Variants in UNC13D observed in about 807,000 individuals in gnomAD.
UNC13D encodes the protein protein unc-13 homolog D.
Under a neutral mutation model 151.7 loss-of-function variants are expected in UNC13D, and 115 were observed. The observed-to-expected ratio is 0.76, with a 90% CI of 0.65 to 0.88. The LOEUF (loss-of-function observed/expected upper bound fraction) is 0.88. UNC13D is among the 40% of genes least tolerant of loss of function. The probability of loss-of-function intolerance (pLI) is 0.00; values close to 1 mark genes in which losing one functional copy is unlikely to be tolerated. For synonymous variants in UNC13D, 588 were observed against 612.2 expected, an observed-to-expected ratio of 0.96 and a Z score of 0.58; for missense variants, 1,369 against 1,438.7, an observed-to-expected ratio of 0.95 and a Z score of 0.78.
In UNC13D at chr17:75,840,703, T is replaced by G; in HGVS notation, c.683+59A>C. 1 of 1,612,302 alleles carries G rather than the reference T, an allele frequency of 6.2e-7. No homozygotes were observed. Among genetic ancestry groups the G allele is most frequent in the Non-Finnish European group, 8.5e-7 (1 of 1,178,784 alleles). On this transcript the variant is annotated intron_variant, in intron 8 of 31. Coordinates refer to ENST00000207549, the MANE Select transcript of UNC13D (RefSeq NM_199242.3). The surrounding 1 kb of genome is among the most constrained non-coding windows in gnomAD (Gnocchi z 4.6). Reference sequence around the variant, plus strand: ...GCACCCCAGCATCCAGTGTGCATGTTGGGGGATGGAGGGCAAAAGGAGCCC... The same window carrying G: ...GCACCCCAGCATCCAGTGTGCATGTGGGGGGATGGAGGGCAAAAGGAGCCC...
Position 75,834,922 on chromosome 17 carries a change from C to T in UNC13D, c.1990G>A (p.Glu664Lys), listed in dbSNP as rs750235257. Residue 664 changes from glutamate to lysine, a missense_variant and splice_region_variant, in exon 21 of 32, where the codon GAG becomes AAG. Transcript: ENST00000207549. ...AGGACACGTGGAAGATGCCGCACCT[C>T]CACAAACTTGACGGTAATCATGAAG... ...EAFMITVKFV[E>K]DTCRLALVYC... 1.9e-6 allele frequency: 3 copies of T among 1,614,020 alleles called. No individual in the cohort carries two copies. The highest frequency in any genetic ancestry group is 2.5e-6 in the Non-Finnish European group (3 of 1,180,014).
In UNC13D at chr17:75,836,433, C is replaced by T; in HGVS notation, c.1299-4G>A. ...CTTGCACATCTGTACCAGGACCCTG[C>T]AAGATGGAAAGAGCTGTGTCGAAAG... On this transcript the variant is annotated splice_polypyrimidine_tract_variant and splice_region_variant and intron_variant, in intron 14 of 31. Coordinates refer to ENST00000207549, the MANE Select transcript of UNC13D (RefSeq NM_199242.3). 1.2e-6 allele frequency: 2 copies of T among 1,612,722 alleles called. No homozygotes were observed. Among genetic ancestry groups the T allele is most frequent in the Non-Finnish European group, 1.7e-6 (2 of 1,179,968 alleles).
chr17:75,842,796 G>A, intron 5 of UNC13D, 61 bp downstream of exon 5: 1 of 1,606,954 alleles, frequency 6.2e-7, no homozygotes, highest in Non-Finnish European at 8.5e-7. Context: ...CCTGGGCCAG[G>A]CTGTGATGGG....
Position 75,831,295 on chromosome 17 carries a change from GCGGCCGCCT to G in UNC13D, c.2492_2500del (p.Glu831_Ala833del). ...AGCCAGGGATGAGCTGCGCTGGGAG[GCGGCCGCCT>G]CCACCAGCACTGTGAGTGTGTGGGT... On this transcript the variant is annotated inframe_deletion, in exon 26 of 32. Coordinates refer to ENST00000207549, the MANE Select transcript of UNC13D (RefSeq NM_199242.3). 1 of 1,613,784 alleles carries G rather than the reference GCGGCCGCCT, an allele frequency of 6.2e-7. No individual in the cohort carries two copies. Among genetic ancestry groups the G allele is most frequent in the Non-Finnish European group, 8.5e-7 (1 of 1,180,022 alleles).
chr17:75,834,720 G>A lies in UNC13D; in HGVS notation c.1993-4C>T. 6.2e-7 allele frequency: 1 copy of A among 1,613,456 alleles called. No homozygotes were observed. The highest frequency in any genetic ancestry group is 8.5e-7 in the Non-Finnish European group (1 of 1,179,942). ...CCAGGGCCAGGCGACAGGTGTCCTA[G>A]GGTGGGGTTGGACAGAGGGAACTGA... is the stretch of plus-strand genomic sequence containing the variant. On this transcript the variant is annotated splice_region_variant and splice_polypyrimidine_tract_variant and intron_variant, in intron 21 of 31. Transcript: ENST00000207549.
rs1194073667 is a variant in UNC13D at position 75,840,560 on chromosome 17, G to A, written c.700C>T (p.Arg234Trp). The A allele has an allele frequency of 8.7e-6, 14 of 1,613,874 alleles. No individual in the cohort carries two copies. Among genetic ancestry groups the A allele is most frequent in the African/African-American group, 2.7e-5 (2 of 74,862 alleles). ...HGLRRIFKEA[R>W]KDKGQDDFLG... is the part of the protein sequence containing the mutation. ...AAGTCGTCCTGGCCTTTGTCCTTCC[G>A]GGCCTCTTTAAAGATCCTGCGTCAG... is the stretch of plus-strand genomic sequence containing the variant. Residue 234 changes from arginine (R) to tryptophan (W), a missense_variant, in exon 9 of 32, where the codon CGG (arginine) becomes TGG (tryptophan). By Grantham distance (101) the Arg-to-Trp change is moderately radical (BLOSUM62 -3). Transcript: ENST00000207549. The surrounding 1 kb of genome is among the most constrained non-coding windows in gnomAD (Gnocchi z 4.6).
At position 75,840,206 on chromosome 17, in the gene UNC13D, G is replaced by A. The variant is rs370425712; in HGVS notation, c.858+19C>T. 8.1e-6 allele frequency: 13 copies of A among 1,613,388 alleles called. No homozygotes were observed. In the East Asian group the frequency reaches 8.9e-5, roughly 11 times the overall value. ...GCCGCAAGAGCTGGGCATGGCCACT[G>A]GCCCAGTACCCGACCTACCCGCTTA... On this transcript the variant is annotated intron_variant, in intron 10 of 31. Coordinates refer to ENST00000207549, the MANE Select transcript of UNC13D (RefSeq NM_199242.3). This position sits in a 1 kb window ranked among gnomAD's most constrained non-coding sequence, Gnocchi z 4.6.
chr17:75,834,670 C>A lies in UNC13D; in HGVS notation c.2039G>T (p.Arg680Leu), dbSNP rs201324352. The A allele has an allele frequency of 3.3e-5, 54 of 1,613,750 alleles. No homozygotes were observed. The highest frequency in any genetic ancestry group is 3.6e-5 in the Non-Finnish European group (42 of 1,180,026). The change falls in exon 22 of 32, where the codon CGG (arginine) becomes CTG (leucine). Residue 680 changes from arginine to leucine, a missense_variant. Arg to Leu is a moderately radical substitution (Grantham distance 102). Around this residue, in one of 3 missense-constraint regions of UNC13D, gnomAD observed 807 missense variants for 795.5 expected, o/e 1.01. Transcript: ENST00000207549. ...ALVYCSLIKARARELSSGQKD... is the reference protein window; with the variant it reads ...ALVYCSLIKALARELSSGQKD... ...CTGGCCTGAAGAGAGCTCGCGGGCC[C>A]GGGCCTTTATAAGGCTGCAGTACAC...
chr17:75,843,828 G>C (rs2064966784), intron 1 of UNC13D: 1 of 1,376,800 alleles, frequency 7.3e-7, no homozygotes, highest in Non-Finnish European at 9.4e-7. Flanking sequence ...CCCAGCAGCG[G>C]AAGTGAGGCT....
Position 75,833,150 on chromosome 17 carries a change from G to C in UNC13D, c.2368-105C>G. 1 of 1,164,878 alleles carries C rather than the reference G, an allele frequency of 8.6e-7. No homozygotes were observed. Among genetic ancestry groups the C allele is most frequent in the Non-Finnish European group, 1.2e-6 (1 of 804,700 alleles). 72.2% of individuals were successfully genotyped at this position (1,164,878 alleles called of 1,614,324 possible). The stretch of plus-strand genomic sequence containing the variant: ...AGGAAACAGGGCTGGGAACCGTTCT[G>C]TGAGAGCAGTTTGTAGTGTCTGTAA... On this transcript the variant is annotated intron_variant, in intron 24 of 31. Transcript: ENST00000207549. The surrounding 1 kb of genome is among the most constrained non-coding windows in gnomAD (Gnocchi z 4.0).
In UNC13D at chr17:75,834,080, C is replaced by G. The variant is rs780724815; in HGVS notation, c.2362G>C (p.Glu788Gln). Residue 788 changes from glutamate (E) to glutamine (Q), a missense_variant, in exon 24 of 32, where the codon GAG (glutamate) becomes CAG (glutamine). By Grantham distance (29) the Glu-to-Gln change is conservative. Coordinates refer to ENST00000207549, the MANE Select transcript of UNC13D (RefSeq NM_199242.3). ...LVGVRESVLP[E>Q]DAILPLMKFL... The stretch of plus-strand genomic sequence containing the variant: ...CAGGCAGAAGGGCCACTTACATCCT[C>G]AGGCAGGACAGACTCCCTGACGCCC... The G allele has an allele frequency of 1.7e-5, 27 of 1,613,756 alleles. No homozygotes were observed. The highest frequency in any genetic ancestry group is 2.3e-5 in the Non-Finnish European group (27 of 1,180,024).
chr17:75,844,094 T>C, intron 1 of UNC13D, 127 bp downstream of exon 1: 2 of 1,493,582 alleles, frequency 1.3e-6, no homozygotes, highest in Non-Finnish European at 1.8e-6. Flanking sequence ...CAGGGTGGAG[T>C]AGGCAGGGGA....
chr17:75,841,406 G>C (rs2064948292), intron 6 of UNC13D, among the ~76,000 whole-genome samples: 1 of 148,622 alleles, frequency 6.7e-6, no homozygotes, highest in Non-Finnish European at 1.5e-5. Context: ...GCCTCCCAAA[G>C]TGCTGGGATT....
intron 30 of UNC13D, among the ~76,000 whole-genome samples, chr17:75,829,420 C>T (rs1308202253): frequency 2.0e-5 from 3 of 151,872 alleles, no homozygotes; most frequent in East Asian, 1.9e-4. Context: ...CTCAGCCTCC[C>T]GAGTAGCTGG....
At chr17:75,831,641 G>T (rs1418506095) in intron 25 of UNC13D, 3 of 481,340 alleles carry the variant, frequency 6.2e-6, no homozygotes, top group Non-Finnish European at 1.1e-5. Context: ...CAGGGAGGAG[G>T]CCAGGCCCCC....
In UNC13D at chr17:75,831,015, A is replaced by T. The variant is rs112498328; in HGVS notation, c.2625+83T>A. 6.0e-3 allele frequency: 9,136 copies of T among 1,516,576 alleles called. 72 individuals are homozygous for T. Among genetic ancestry groups the T allele is most frequent in the African/African-American group, 0.015 (1,099 of 72,168 alleles). The allele number at this position is 1,516,576 out of a possible 1,614,324, so 93.9% of individuals were successfully genotyped here. A position where few individuals can be genotyped will look rare whatever the true frequency, so the allele number is the denominator to read the frequency against. On this transcript the variant is annotated intron_variant, in intron 27 of 31. Coordinates refer to ENST00000207549, the MANE Select transcript of UNC13D (RefSeq NM_199242.3). ...CATTTTGTACTGGGCCCCATAAATT[A>T]TGTAGCCGACCCTGGACATAGGTGA... is the stretch of plus-strand genomic sequence containing the variant.
Position 75,830,395 on chromosome 17 carries a change from T to C in UNC13D, c.2797A>G (p.Ser933Gly). The C allele has an allele frequency of 6.3e-7, 1 of 1,590,346 alleles. No homozygotes were observed. Among genetic ancestry groups the C allele is most frequent in the Non-Finnish European group, 8.5e-7 (1 of 1,170,258 alleles). Residue 933 changes from serine (S) to glycine (G), a missense_variant, in exon 29 of 32, where the codon AGC (serine) becomes GGC (glycine). This residue lies in a region of UNC13D where 807 missense variants were observed against 795.5 expected (regional missense o/e 1.01). Transcript: ENST00000207549. ...TCCAGGGGCAGCAGGCTGGAGGCGC[T>C]GAGCAGCTCCACACGCAGCTTCTGC... Reference protein sequence around the residue: ...SEQKLRVELLSASSLLPLDSN... With the variant: ...SEQKLRVELLGASSLLPLDSN...
At position 75,836,638 on chromosome 17, in the gene UNC13D, C is replaced by T. The variant is rs200109035; in HGVS notation, c.1232G>A (p.Arg411Gln). 218 of 1,613,788 alleles carry T rather than the reference C, an allele frequency of 1.4e-4. No individual in the cohort carries two copies. The East Asian group carries it at 3.9e-3, about 29-fold the overall frequency. ...SLLTYGLSLI[R>Q]RFRSVFPLSV... ...GAGGGGGAAGACAGAGCGGAACCTC[C>T]GGATGAGGGAGAGGCCGTAGGTCAG... Residue 411 changes from arginine (R) to glutamine (Q), a missense_variant, in exon 14 of 32, where the codon CGG becomes CAG. By Grantham distance (43) the Arg-to-Gln change is conservative (BLOSUM62 1). Around this residue, in one of 3 missense-constraint regions of UNC13D, gnomAD observed 550 missense variants for 609.0 expected, o/e 0.90. Transcript: ENST00000207549.
At position 75,843,006 on chromosome 17, in the gene UNC13D, C is replaced by G. The variant is rs1351338597; in HGVS notation, c.321+8G>C. The G allele has an allele frequency of 6.2e-7, 1 of 1,612,664 alleles. No homozygotes were observed. ...TCCTTGCCCAGGGGGACCCTGGCCC[C>G]AGGTTACCTCAAGCTCCCTGACCCG... On this transcript the variant is annotated splice_region_variant and intron_variant, in intron 4 of 31. Coordinates refer to ENST00000207549, the MANE Select transcript of UNC13D (RefSeq NM_199242.3).
Sources: allele counts gnomAD v4.1 joint callset (sites outside exome capture counted in the v4.1 genomes callset), GRCh38; gene constraint gnomAD v4.1.1; regional missense constraint gnomAD v4.1.1; non-coding constraint Gnocchi (gnomAD v3.1); transcripts MANE v1.5; gene names NCBI Gene and HGNC (gene_info 2026-07-23, HGNC 2026-07-21).